Variants in EDAR observed in about 807,000 individuals in gnomAD.
The protein encoded by EDAR is ectodysplasin A receptor, also known as tumor necrosis factor receptor superfamily member EDAR.
Under a neutral mutation model 51.3 loss-of-function variants are expected in EDAR, and 38 were observed. That is an observed-to-expected ratio of 0.74 (90% CI 0.57 to 0.97). The LOEUF (loss-of-function observed/expected upper bound fraction) is 0.97. Ranked by LOEUF, EDAR falls within the 50% of genes least tolerant of loss-of-function variation. EDAR has a pLI of 0.00. For missense variants in EDAR, 528 were observed against 595.0 expected (o/e 0.89, Z 1.17); for synonymous variants, 227 against 242.1 (o/e 0.94, Z 0.58).
chr2:108,927,384 C>T (rs1697276382), intron 4 of EDAR, among the ~76,000 whole-genome samples: 1 of 152,214 alleles, frequency 6.6e-6, no homozygotes, highest in African/African-American at 2.4e-5. Context: ...TGGCTGTCCA[C>T]ATTCGCCTGA....
At chr2:108,988,893 C>G (rs936423489) in intron 1 of EDAR, 67 bp downstream of exon 1, 1 of 152,244 alleles carries the variant, frequency 6.6e-6, no homozygotes, top group Non-Finnish European at 1.5e-5. Context: ...CTCTCCCAGC[C>G]CATGACACCT....
chr2:108,921,825 G>T (rs972145354), intron 5 of EDAR, among the ~76,000 whole-genome samples: 7 of 152,236 alleles, frequency 4.6e-5, no homozygotes, highest in African/African-American at 1.7e-4. Context: ...GCAAGCCGAG[G>T]TCTGGGGCCT....
intron 8 of EDAR, 122 bp from the exon 9 acceptor site, chr2:108,910,654 C>G: frequency 7.1e-7 from 1 of 1,418,322 alleles, no homozygotes; most frequent in Non-Finnish European, 9.9e-7. Context: ...CACCACCCCA[C>G]GGTAAGCACA....
At chr2:108,924,499 G>A (rs115031467) in intron 4 of EDAR, among the ~76,000 whole-genome samples, 1 of 152,324 alleles carries the variant, frequency 6.6e-6, no homozygotes, top group African/African-American at 2.4e-5. Flanking sequence ...TCCCTATTGC[G>A]ATTCAAGAAC....
Position 108,896,915 on chromosome 2 carries a change from C to T in EDAR, c.1339G>A (p.Ala447Thr). 3 of 1,611,766 alleles carry T rather than the reference C, an allele frequency of 1.9e-6. No individual in the cohort carries two copies. The highest frequency in any genetic ancestry group is 2.5e-6 in the Non-Finnish European group (3 of 1,179,080). Residue 447 changes from alanine to threonine, a missense_variant, in exon 12 of 12, where the codon GCA (alanine) becomes ACA (threonine). Transcript: ENST00000258443. ...VVPPASQPHA[A>T]S ...GCCCACAGGCATGCTTTTCAGGATG[C>T]AGCATGTGGCTGGGAGGCAGGTGGC...
intron 8 of EDAR, 118 bp from the exon 9 acceptor site, chr2:108,910,650 C>A: frequency 7.1e-7 from 1 of 1,415,478 alleles, no homozygotes; most frequent in Non-Finnish European, 9.9e-7. Flanking sequence ...GTGGCACCAC[C>A]CCACGGTAAG....
At chr2:108,922,973 T>G (rs1697177508) in intron 5 of EDAR, among the ~76,000 whole-genome samples, 1 of 152,252 alleles carries the variant, frequency 6.6e-6, no homozygotes, top group Non-Finnish European at 1.5e-5. Context: ...TTGGCCTCAC[T>G]GTCACCTAGC....
At chr2:108,959,534 C>T (rs1325666740) in intron 1 of EDAR, among the ~76,000 whole-genome samples, 1 of 152,152 alleles carries the variant, frequency 6.6e-6, no homozygotes, top group African/African-American at 2.4e-5. Context: ...CAAGATGACT[C>T]AGGTTGTCAG....
chr2:108,946,385 A>C (rs1434224888), intron 1 of EDAR, among the ~76,000 whole-genome samples: 4 of 152,242 alleles, frequency 2.6e-5, no homozygotes, highest in Admixed American at 2.6e-4. Flanking sequence ...AGACTTGCAG[A>C]GCTGAATTAT....
At chr2:108,897,323 G>T in intron 11 of EDAR, 94 bp from the exon 12 acceptor site, 1 of 1,274,676 alleles carries the variant, frequency 7.8e-7, no homozygotes. Flanking sequence ...AAAATTATTT[G>T]AAAAAAATTT....
At chr2:108,965,503 C>G (rs190050901) in intron 1 of EDAR, among the ~76,000 whole-genome samples, 8 of 151,820 alleles carry the variant, frequency 5.3e-5, no homozygotes, top group Admixed American at 1.3e-4. Flanking sequence ...CCAGTTGTTC[C>G]CAGATACAGG....
At chr2:108,922,270 T>C (rs1697156353) in intron 5 of EDAR, among the ~76,000 whole-genome samples, 1 of 152,216 alleles carries the variant, frequency 6.6e-6, no homozygotes, top group Non-Finnish European at 1.5e-5. Context: ...GATCTGGCCT[T>C]GAATCAGCCT....
At chr2:108,906,005 TG>T (rs758953169) in intron 11 of EDAR, among the ~76,000 whole-genome samples, 2 of 152,162 alleles carry the variant, frequency 1.3e-5, no homozygotes, top group Non-Finnish European at 2.9e-5. Context: ...ACGGGAGGTC[TG>T]AGGCTCCGTG....
intron 1 of EDAR, among the ~76,000 whole-genome samples, chr2:108,952,089 G>A (rs919547105): frequency 2.6e-5 from 4 of 152,206 alleles, no homozygotes; most frequent in Non-Finnish European, 4.4e-5. Flanking sequence ...AAGGTCAAAA[G>A]GGAGAAATCA....
At chr2:108,980,305 C>T (rs1574416475) in intron 1 of EDAR, among the ~76,000 whole-genome samples, 1 of 152,060 alleles carries the variant, frequency 6.6e-6, no homozygotes, top group Non-Finnish European at 1.5e-5. Context: ...ATCCCGAAAC[C>T]TCTGTGAAGG....
chr2:108,977,881 A>G (rs1698352735), intron 1 of EDAR, among the ~76,000 whole-genome samples: 1 of 152,232 alleles, frequency 6.6e-6, no homozygotes, highest in Non-Finnish European at 1.5e-5. Flanking sequence ...ACAAGACATC[A>G]TATTAAATGA....
chr2:108,923,876 G>A (rs1697199028), intron 4 of EDAR, among the ~76,000 whole-genome samples: 1 of 152,248 alleles, frequency 6.6e-6, no homozygotes, highest in South Asian at 2.1e-4. Context: ...AGAGCCTGCA[G>A]CCTAGTGGGA....
chr2:108,942,035 A>G (rs1260365449), intron 1 of EDAR, among the ~76,000 whole-genome samples: 1 of 152,228 alleles, frequency 6.6e-6, no homozygotes, highest in Non-Finnish European at 1.5e-5. Flanking sequence ...CAGGTGCCTC[A>G]GAGAAAGTTC....
intron 11 of EDAR, among the ~76,000 whole-genome samples, chr2:108,898,187 T>TG (rs1696635491): frequency 6.6e-6 from 1 of 152,062 alleles, no homozygotes; most frequent in Non-Finnish European, 1.5e-5. Context: ...AAAGGCTGAG[T>TG]GGGGAGCCTA....
Sources: allele counts gnomAD v4.1 joint callset (sites outside exome capture counted in the v4.1 genomes callset), GRCh38; gene constraint gnomAD v4.1.1; transcripts MANE v1.5; gene names NCBI Gene and HGNC (gene_info 2026-07-23, HGNC 2026-07-21).